Variants in NEMP2 observed in about 807,000 individuals in gnomAD.
The protein encoded by NEMP2 is UPF0571 transmembrane protein.
In NEMP2, 53 loss-of-function variants were observed where a neutral mutation model predicts 54.2. The observed-to-expected ratio is 0.98, with a 90% confidence interval of 0.78 to 1.23. The LOEUF (loss-of-function observed/expected upper bound fraction) is 1.23, where lower values mean the gene tolerates loss of function less well. Ranked by LOEUF, NEMP2 falls within the 50% of genes most tolerant of loss-of-function variation. NEMP2 has a pLI of 0.00. For missense variants in NEMP2, 455 were observed against 511.3 expected, an observed-to-expected ratio of 0.89 and a Z score of 1.06; for synonymous variants, 197 against 190.3, an observed-to-expected ratio of 1.04 and a Z score of -0.29.
At chr2:190,437,594 C>T in the NEMP2 span, 2 of 1,583,924 alleles carry the variant, frequency 1.3e-6, no homozygotes, top group Admixed American at 1.8e-5. The surrounding 1 kb of genome is among the most constrained non-coding windows in gnomAD (Gnocchi z 5.9). Context: ...TGCCCCTCAG[C>T]AATTGAACTT....
At chr2:190,451,835 G>A in the NEMP2 span, among the ~76,000 whole-genome samples, 1 of 152,362 alleles carries the variant, frequency 6.6e-6, no homozygotes, top group South Asian at 2.1e-4. The surrounding 1 kb of genome is among the most constrained non-coding windows in gnomAD (Gnocchi z 5.0). Context: ...TCTAAGAGAA[G>A]CTGAGTTTTA....
the NEMP2 span, among the ~76,000 whole-genome samples, chr2:190,572,873 A>ATATATATATATATATG: frequency 1.3e-3 from 145 of 110,182 alleles, 3 homozygotes; most frequent in Non-Finnish European, 1.9e-3. Context: ...ATATATATAT[A>ATATATATATATATATG]TATGTATATA....
chr2:190,439,613 G>C, the NEMP2 span, among the ~76,000 whole-genome samples: 3 of 152,132 alleles, frequency 2.0e-5, no homozygotes, highest in Non-Finnish European at 4.4e-5. This position sits in a 1 kb window ranked among gnomAD's most constrained non-coding sequence, Gnocchi z 5.8. Flanking sequence ...TTCCTGTGTA[G>C]TATTAGTTAC....
the NEMP2 span, among the ~76,000 whole-genome samples, chr2:190,432,460 G>C: frequency 6.6e-6 from 1 of 152,152 alleles, no homozygotes; most frequent in East Asian, 1.9e-4. Flanking sequence ...CGTCACCCAG[G>C]CTGGAGAATG....
At chr2:190,612,588 T>C in the NEMP2 span, among the ~76,000 whole-genome samples, 1 of 152,238 alleles carries the variant, frequency 6.6e-6, no homozygotes, top group Non-Finnish European at 1.5e-5. Context: ...TCATGTGTCC[T>C]GAGGGCTTAT....
At position 190,510,218 on chromosome 2, in the gene NEMP2, A is replaced by G; in HGVS notation, c.1130+143T>C. 1 of 911,732 alleles carries G rather than the reference A, an allele frequency of 1.1e-6. No individual in the cohort carries two copies. The highest frequency in any genetic ancestry group is 1.8e-5 in the South Asian group (1 of 56,988). The allele number at this position is 911,732 out of a possible 1,614,324, so 56.5% of individuals were successfully genotyped here. A position where few individuals can be genotyped will look rare whatever the true frequency, so the allele number is the denominator to read the frequency against. ...CTGTGCAAAGTCACAGTACTGAGAA[A>G]AGGGACCTCTGACAACTTCCACATC... On this transcript the variant is annotated intron_variant, in intron 8 of 8. Transcript: ENST00000409150. The surrounding 1 kb of genome is among the most constrained non-coding windows in gnomAD (Gnocchi z 5.7).
chr2:190,532,222 G>A (rs1323153294), intron 1 of NEMP2, among the ~76,000 whole-genome samples: 1 of 152,138 alleles, frequency 6.6e-6, no homozygotes, highest in African/African-American at 2.4e-5. Context: ...AGGTGTTAAC[G>A]TGAGGCACCA....
At chr2:190,542,708 C>A in the NEMP2 span, among the ~76,000 whole-genome samples, 1 of 152,070 alleles carries the variant, frequency 6.6e-6, no homozygotes, top group East Asian at 1.9e-4. The surrounding 1 kb of genome is among the most constrained non-coding windows in gnomAD (Gnocchi z 4.6). Context: ...ATGTGTTTCT[C>A]AGTTCTAAGA....
rs942064913 is a variant in NEMP2, at chr2:190,525,501, T to C, written c.98-123A>G. ...GTTCTATGGCCAATAAATTCTCCTA[T>C]ATGATAATTATAGTCCTTCAGTGTT... On this transcript the variant is annotated intron_variant, in intron 1 of 8. Transcript: ENST00000409150. This position sits in a 1 kb window ranked among gnomAD's most constrained non-coding sequence, Gnocchi z 5.0. 5.2e-6 allele frequency: 3 copies of C among 571,972 alleles called. No individual in the cohort carries two copies. Among genetic ancestry groups the C allele is most frequent in the Non-Finnish European group, 9.4e-6 (3 of 320,486 alleles). 35.4% of individuals were successfully genotyped at this position (571,972 alleles called of 1,614,324 possible).
At chr2:190,426,305 C>T in the NEMP2 span, among the ~76,000 whole-genome samples, 1 of 152,194 alleles carries the variant, frequency 6.6e-6, no homozygotes, top group Non-Finnish European at 1.5e-5. The surrounding 1 kb of genome is among the most constrained non-coding windows in gnomAD (Gnocchi z 4.7). Flanking sequence ...ATTAATCCCT[C>T]TGTCCCCTTT....
At chr2:190,456,376 G>A in the NEMP2 span, among the ~76,000 whole-genome samples, 1 of 152,196 alleles carries the variant, frequency 6.6e-6, no homozygotes, top group Non-Finnish European at 1.5e-5. The surrounding 1 kb of genome is among the most constrained non-coding windows in gnomAD (Gnocchi z 5.4). Flanking sequence ...TGACAGAGAG[G>A]GAGATGACCC....
the NEMP2 span, among the ~76,000 whole-genome samples, chr2:190,619,909 C>T: frequency 6.6e-6 from 1 of 152,180 alleles, no homozygotes; most frequent in Non-Finnish European, 1.5e-5. This position sits in a 1 kb window ranked among gnomAD's most constrained non-coding sequence, Gnocchi z 5.5. Context: ...TCCTGCCATA[C>T]TGTGTTTTCC....
At chr2:190,490,416 A>G in the NEMP2 span, among the ~76,000 whole-genome samples, 1 of 152,090 alleles carries the variant, frequency 6.6e-6, no homozygotes, top group African/African-American at 2.4e-5. The surrounding 1 kb of genome is among the most constrained non-coding windows in gnomAD (Gnocchi z 4.5). Context: ...ATAAAAAATT[A>G]GCCGGGCACG....
chr2:190,441,662 C>CCT, the NEMP2 span, among the ~76,000 whole-genome samples: 1 of 152,054 alleles, frequency 6.6e-6, no homozygotes, highest in East Asian at 1.9e-4. Context: ...TCTCTACAGT[C>CCT]CTCTCTCTCT....
chr2:190,531,726 C>G lies in NEMP2; in HGVS notation c.97+2833G>C, dbSNP rs1029701259. On this transcript the variant is annotated intron_variant, in intron 1 of 8. Coordinates refer to ENST00000409150, the MANE Select transcript of NEMP2 (RefSeq NM_001142645.2). The surrounding 1 kb of genome is among the most constrained non-coding windows in gnomAD (Gnocchi z 4.7). ...ACCTAATTATAAGCTCAATTATCTC[C>G]TTTGTAGTACTTTTGTCATTTATTA... Among the ~76,000 whole-genome samples, 1 of 152,000 alleles carries G rather than the reference C, an allele frequency of 6.6e-6. No individual in the cohort carries two copies. Among genetic ancestry groups the G allele is most frequent in the African/African-American group, 2.4e-5 (1 of 41,368 alleles).
the NEMP2 span, among the ~76,000 whole-genome samples, chr2:190,495,009 A>T: frequency 6.6e-6 from 1 of 152,300 alleles, no homozygotes; most frequent in African/African-American, 2.4e-5. This position sits in a 1 kb window ranked among gnomAD's most constrained non-coding sequence, Gnocchi z 4.7. Context: ...GAGCAGTCAG[A>T]CAAGAGAAGG....
the NEMP2 span, among the ~76,000 whole-genome samples, chr2:190,549,048 T>C: frequency 3.6e-4 from 55 of 152,344 alleles, no homozygotes; most frequent in African/African-American, 1.3e-3. Context: ...CCCTCCACTT[T>C]CTCTTTTCCT....
the NEMP2 span, among the ~76,000 whole-genome samples, chr2:190,633,572 C>T: frequency 6.6e-6 from 1 of 152,084 alleles, no homozygotes; most frequent in African/African-American, 2.4e-5. Flanking sequence ...CCTCAGCCAC[C>T]CAAAGTGCTG....
chr2:190,513,117 C>T lies in NEMP2; in HGVS notation c.953+1336G>A, dbSNP rs1313151605. Among the ~76,000 whole-genome samples, 2 of 152,204 alleles carry T rather than the reference C, an allele frequency of 1.3e-5. No individual in the cohort carries two copies. The highest frequency in any genetic ancestry group is 1.3e-4 in the Admixed American group (2 of 15,286). ...CACAGGGGCCTCCCCTTTATATCCACCTGCTGTGCCAGAAGACAGATGGGC... is the reference window on the plus strand; with the variant it reads ...CACAGGGGCCTCCCCTTTATATCCATCTGCTGTGCCAGAAGACAGATGGGC... On this transcript the variant is annotated intron_variant, in intron 7 of 8. Coordinates refer to ENST00000409150, the MANE Select transcript of NEMP2 (RefSeq NM_001142645.2). This position sits in a 1 kb window ranked among gnomAD's most constrained non-coding sequence, Gnocchi z 5.3.
Sources: allele counts gnomAD v4.1 joint callset (sites outside exome capture counted in the v4.1 genomes callset), GRCh38; gene constraint gnomAD v4.1.1; non-coding constraint Gnocchi (gnomAD v3.1); transcripts MANE v1.5; gene names NCBI Gene and HGNC (gene_info 2026-07-23, HGNC 2026-07-21).